TCTN2: variants seen among roughly 807,000 people sequenced by gnomAD.
TCTN2 encodes tectonic family member 2, also known as tectonic-2.
A neutral mutation model predicts 83.4 loss-of-function variants in TCTN2; 66 were observed. That is an observed-to-expected ratio of 0.79 (90% CI 0.65 to 0.97). The LOEUF is 0.97. Ranked by LOEUF, TCTN2 falls within the 50% of genes least tolerant of loss-of-function variation. The pLI, the probability that TCTN2 is intolerant of heterozygous loss-of-function variation, is 0.00. For missense variants in TCTN2, 794 were observed against 858.1 expected (o/e 0.93, Z 0.93); for synonymous variants, 301 against 326.7 (o/e 0.92, Z 0.85).
rs1470487566 is a variant in TCTN2, at chr12:123,672,089, A to G, written c.224A>G (p.Asn75Ser). The G allele has an allele frequency of 1.2e-6, 2 of 1,614,214 alleles. No homozygotes were observed. Among genetic ancestry groups the G allele is most frequent in the Non-Finnish European group, 1.7e-6 (2 of 1,180,044 alleles). The change falls in exon 3 of 18, where the codon AAC becomes AGC. Residue 75 changes from asparagine to serine, a missense_variant. Transcript: ENST00000303372. ...CCAATTCCGACGTGTGGAGTGCTGA[A>G]CAATGAGACGGAAGACTGGAGCGTG... is the stretch of plus-strand genomic sequence containing the variant. ...ILPIPTCGVL[N>S]NETEDWSVTV...
At position 123,673,654 on chromosome 12, in the gene TCTN2, G is replaced by A. The variant is rs1449838395; in HGVS notation, c.307G>A (p.Asp103Asn). 2 of 1,614,174 alleles carry A rather than the reference G, an allele frequency of 1.2e-6. No individual in the cohort carries two copies. Among genetic ancestry groups the A allele is most frequent in the East Asian group, 4.5e-5 (2 of 44,886 alleles). ...GACAGTGAGGTGGAAGAGAGGTCTG[G>A]ACTGGTGTTCCTCCAATGAGACAGA... Reference protein sequence around the residue: ...EVTVRWKRGLDWCSSNETDSF... With the variant: ...EVTVRWKRGLNWCSSNETDSF... The change falls in exon 4 of 18, where the codon GAC (aspartate) becomes AAC (asparagine). Residue 103 changes from aspartate (D) to asparagine (N), a missense_variant. Transcript: ENST00000303372.
In TCTN2 at chr12:123,694,943, A is replaced by AT; in HGVS notation, c.1206dup (p.Arg403Ter). The AT allele has an allele frequency of 6.2e-7, 1 of 1,613,746 alleles. No homozygotes were observed. Among genetic ancestry groups the AT allele is most frequent in the Non-Finnish European group, 8.5e-7 (1 of 1,179,732 alleles). On this transcript the variant is annotated frameshift_variant, in exon 10 of 18. Coordinates refer to ENST00000303372, the MANE Select transcript of TCTN2 (RefSeq NM_024809.5). LOFTEE classifies it high-confidence loss of function. ...TACCATCAGTGAAATAAATGTTAAA[A>AT]TTTTTAGGGCAGAGATTAATGCCCA...
At chr12:123,699,406 C>T (rs1593862502) in intron 13 of TCTN2, among the ~76,000 whole-genome samples, 1 of 152,172 alleles carries the variant, frequency 6.6e-6, no homozygotes, top group African/African-American at 2.4e-5. Flanking sequence ...CCTCCCACCT[C>T]AGCCTCCCAA....
At chr12:123,682,701 C>A (rs1322803110) in intron 5 of TCTN2, among the ~76,000 whole-genome samples, 1 of 150,868 alleles carries the variant, frequency 6.6e-6, no homozygotes, top group Non-Finnish European at 1.5e-5. Flanking sequence ...AGGCTGGTCT[C>A]GAACTCCTGA....
chr12:123,677,730 A>G (rs1312814959), intron 4 of TCTN2, among the ~76,000 whole-genome samples: 1 of 151,064 alleles, frequency 6.6e-6, no homozygotes, highest in African/African-American at 2.4e-5. Context: ...TGTTCCCCCT[A>G]TTCATCCACC....
intron 6 of TCTN2, 102 bp downstream of exon 6, chr12:123,687,137 C>T (rs1593847771): frequency 2.2e-6 from 3 of 1,355,402 alleles, no homozygotes; most frequent in Non-Finnish European, 3.2e-6. Context: ...TTCCCAACCC[C>T]TCTCCAGAGG....
At chr12:123,675,654 G>A (rs968786340) in intron 4 of TCTN2, among the ~76,000 whole-genome samples, 2 of 152,200 alleles carry the variant, frequency 1.3e-5, no homozygotes, top group Non-Finnish European at 1.5e-5. Context: ...TGCCTACAGT[G>A]TGCTATCTTT....
At position 123,671,165 on chromosome 12, in the gene TCTN2, C is replaced by T. The variant is rs1325296995; in HGVS notation, c.-76C>T. On this transcript the variant is annotated 5_prime_UTR_variant, in exon 1 of 18. Coordinates refer to ENST00000303372, the MANE Select transcript of TCTN2 (RefSeq NM_024809.5). Reference sequence around the variant, plus strand: ...GGCGGCGGCGGGGCAGTGGCTGCTGCGTTTTCGTGTCTGAGTCCTTCCTGG... The same window carrying T: ...GGCGGCGGCGGGGCAGTGGCTGCTGTGTTTTCGTGTCTGAGTCCTTCCTGG... 5 of 1,391,230 alleles carry T rather than the reference C, an allele frequency of 3.6e-6. No individual in the cohort carries two copies. Among genetic ancestry groups the T allele is most frequent in the Non-Finnish European group, 5.0e-6 (5 of 1,006,678 alleles). The allele number at this position is 1,391,230 out of a possible 1,614,324, so 86.2% of individuals were successfully genotyped here.
intron 9 of TCTN2, among the ~76,000 whole-genome samples, chr12:123,693,754 C>T (rs967769073): frequency 1.3e-5 from 2 of 151,484 alleles, no homozygotes; most frequent in Non-Finnish European, 2.9e-5. Flanking sequence ...GCGACTGGCT[C>T]AGTTTGGCTA....
At position 123,692,671 on chromosome 12, in the gene TCTN2, A is replaced by G; in HGVS notation, c.1047A>G (p.Pro349=). ...TTATCTCTTTAGGCATAGTTACACC[A>G]AAAGTGATCTATGAGGAAGCAACTG... The part of the protein sequence containing the change: ...KNVALGGIVT[P]KVIYEEATDL... The change falls in exon 9 of 18, where the codon CCA becomes CCG. Residue 349 remains proline, a synonymous_variant. Coordinates refer to ENST00000303372, the MANE Select transcript of TCTN2 (RefSeq NM_024809.5). The G allele has an allele frequency of 1.2e-6, 2 of 1,613,158 alleles. No individual in the cohort carries two copies. The highest frequency in any genetic ancestry group is 1.7e-6 in the Non-Finnish European group (2 of 1,179,108).
In TCTN2 at chr12:123,686,921, A is replaced by G; in HGVS notation, c.650A>G (p.Gln217Arg). Residue 217 changes from glutamine (Q) to arginine (R), a missense_variant, in exon 6 of 18, where the codon CAG becomes CGG. Gln to Arg is a conservative substitution (Grantham distance 43, BLOSUM62 1). Coordinates refer to ENST00000303372, the MANE Select transcript of TCTN2 (RefSeq NM_024809.5). Reference sequence around the variant, plus strand: ...GGAGACGTCAATCCTCCTTTTGATCAGCTCTGCTCTGCTGGGACGACGACA... The same window carrying G: ...GGAGACGTCAATCCTCCTTTTGATCGGCTCTGCTCTGCTGGGACGACGACA... ...FGGDVNPPFD[Q>R]LCSAGTTTRG... 1 of 1,614,188 alleles carries G rather than the reference A, an allele frequency of 6.2e-7. No homozygotes were observed. Among genetic ancestry groups the G allele is most frequent in the Non-Finnish European group, 8.5e-7 (1 of 1,180,038 alleles).
intron 4 of TCTN2, among the ~76,000 whole-genome samples, chr12:123,677,224 G>A (rs1333778294): frequency 2.0e-5 from 3 of 152,152 alleles, no homozygotes; most frequent in South Asian, 4.1e-4. Flanking sequence ...ACATGGGTTT[G>A]ATAACACTGA....
chr12:123,673,580 G>A (rs1955782325), intron 3 of TCTN2, 35 bp from the exon 4 acceptor site: 3 of 1,607,386 alleles, frequency 1.9e-6, no homozygotes, highest in Non-Finnish European at 1.7e-6. Context: ...CCTGTTTTGA[G>A]TCACTTTAAA....
chr12:123,697,347 A>G (rs1956122267), intron 13 of TCTN2, 149 bp downstream of exon 13: 5 of 700,676 alleles, frequency 7.1e-6, no homozygotes, highest in South Asian at 3.1e-5. Flanking sequence ...ATGTAATACA[A>G]TTTAGAGTTG....
At chr12:123,692,581 A>G in intron 8 of TCTN2, 77 bp from the exon 9 acceptor site, 1 of 1,222,800 alleles carries the variant, frequency 8.2e-7, no homozygotes, top group Non-Finnish European at 1.2e-6. Flanking sequence ...TTTGCTTTGT[A>G]AGCTATACTT....
chr12:123,675,657 C>T (rs980047422), intron 4 of TCTN2, among the ~76,000 whole-genome samples: 1 of 152,108 alleles, frequency 6.6e-6, no homozygotes, highest in Non-Finnish European at 1.5e-5. Context: ...CTACAGTGTG[C>T]TATCTTTTGC....
intron 3 of TCTN2, 103 bp downstream of exon 3, chr12:123,672,235 C>T: frequency 9.6e-7 from 1 of 1,044,396 alleles, no homozygotes; most frequent in Non-Finnish European, 1.5e-6. Flanking sequence ...TCTCCATGCT[C>T]TCAACAATCA....
intron 5 of TCTN2, among the ~76,000 whole-genome samples, chr12:123,679,585 A>G (rs2135823937): frequency 6.6e-6 from 1 of 151,782 alleles, no homozygotes; most frequent in South Asian, 2.1e-4. Flanking sequence ...GCTGGTCTCA[A>G]ATTCCTGGGA....
chr12:123,675,638 G>C (rs1311495078), intron 4 of TCTN2, among the ~76,000 whole-genome samples: 1 of 152,232 alleles, frequency 6.6e-6, no homozygotes, highest in African/African-American at 2.4e-5. Flanking sequence ...AGCAAGTGCA[G>C]ATGGCTGCCT....
Sources: gnomAD v4.1 joint callset for allele counts (sites outside exome capture counted in the v4.1 genomes callset) on GRCh38, gnomAD v4.1.1 for gene constraint, MANE v1.5 for transcripts, NCBI Gene and HGNC (gene_info 2026-07-23, HGNC 2026-07-21) for gene names.